SNAP47: variants seen among roughly 807,000 people sequenced by gnomAD.
The protein encoded by SNAP47 is synaptosome associated protein 47.
A neutral mutation model predicts 31.4 loss-of-function variants in SNAP47; 20 were observed. The ratio of observed to expected loss-of-function variants is 0.64; its 90% CI spans 0.45 to 0.93. The LOEUF (loss-of-function observed/expected upper bound fraction) is 0.93, where lower values mean the gene tolerates loss of function less well. SNAP47 is among the 40% of genes least tolerant of loss of function. The pLI is 0.00. For synonymous variants in SNAP47, 194 were observed against 213.4 expected (o/e 0.91, Z 0.79); for missense variants, 492 against 528.5 (o/e 0.93, Z 0.68).
At chr1:227,733,987 C>A, upstream of SNAP47, 1 of 1,613,910 alleles carries the variant, frequency 6.2e-7, no homozygotes, top group Non-Finnish European at 8.5e-7. Flanking sequence ...GCCAGTCGGA[C>A]GAGAAGTACA....
At chr1:227,732,818 G>T, upstream of SNAP47, 1 of 1,603,820 alleles carries the variant, frequency 6.2e-7, no homozygotes, top group Non-Finnish European at 8.5e-7. Context: ...GACCAAGGGA[G>T]TCTGAGCCAT....
At chr1:227,752,057 G>T (rs139417095) in intron 2 of SNAP47, among the ~76,000 whole-genome samples, 1 of 152,080 alleles carries the variant, frequency 6.6e-6, no homozygotes, top group Non-Finnish European at 1.5e-5. Flanking sequence ...GAACCACCGC[G>T]CCCGGCCAAG....
intron 4 of SNAP47, among the ~76,000 whole-genome samples, chr1:227,768,663 T>C (rs1422064124): frequency 2.6e-5 from 4 of 152,212 alleles, no homozygotes; most frequent in African/African-American, 7.2e-5. Context: ...GCCTGGTAGG[T>C]GTAGCCAGCT....
At chr1:227,755,623 A>G (rs1030449524) in intron 2 of SNAP47, among the ~76,000 whole-genome samples, 1 of 152,154 alleles carries the variant, frequency 6.6e-6, no homozygotes, top group African/African-American at 2.4e-5. Context: ...CTGGGCCTCA[A>G]GTAATCCACC....
intron 4 of SNAP47, among the ~76,000 whole-genome samples, chr1:227,768,731 G>T (rs546572556): frequency 1.3e-5 from 2 of 152,296 alleles, no homozygotes; most frequent in East Asian, 3.9e-4. Flanking sequence ...AACATTCTTG[G>T]CCTGGGTCTC....
Position 227,738,970 on chromosome 1 carries a change from C to A in SNAP47, c.-46+3471C>A, listed in dbSNP as rs114940940. Among the ~76,000 whole-genome samples, 674 of 152,236 alleles carry A rather than the reference C, an allele frequency of 4.4e-3. 2 individuals are homozygous for A. Among genetic ancestry groups the A allele is most frequent in the African/African-American group, 0.015 (619 of 41,542 alleles). On this transcript the variant is annotated intron_variant, in intron 1 of 4. Transcript: ENST00000617596. ...TGAGATGGAACTCTGTGGTTTAGTT[C>A]GCTGGTCCGCAGGGTGCCCCCTCGG...
In SNAP47 at chr1:227,776,106, A is replaced by G. The variant is rs1028709026; in HGVS notation, c.1114-4421A>G. On this transcript the variant is annotated intron_variant, in intron 4 of 4. Coordinates refer to ENST00000617596, the MANE Select transcript of SNAP47 (RefSeq NM_053052.4). ...CTCTTGCTGCCTGCCTGAGTCACCC[A>G]GGGCTGCTCCCCTTCCTGGCTCTGA... is the stretch of plus-strand genomic sequence containing the variant. 5 of 1,172,676 alleles carry G rather than the reference A, an allele frequency of 4.3e-6. No individual in the cohort carries two copies. The African/African-American group carries it at 8.0e-5, about 19-fold the overall frequency. 72.6% of individuals were successfully genotyped at this position (1,172,676 alleles called of 1,614,324 possible).
intron 1 of SNAP47, among the ~76,000 whole-genome samples, chr1:227,738,262 G>A (rs1410422280): frequency 2.0e-5 from 3 of 152,028 alleles, no homozygotes; most frequent in South Asian, 2.1e-4. Flanking sequence ...GGCTGGTCTC[G>A]AACTCCTGAC....
At chr1:227,734,590 G>C (rs1242958351), upstream of SNAP47, 1 of 1,555,024 alleles carries the variant, frequency 6.4e-7, no homozygotes, top group Admixed American at 1.7e-5. Context: ...CATCAGAAAG[G>C]CCTCTGGGTT....
At chr1:227,742,010 C>CT (rs1221446895) in intron 1 of SNAP47, among the ~76,000 whole-genome samples, 2 of 150,896 alleles carry the variant, frequency 1.3e-5, no homozygotes, top group African/African-American at 4.9e-5. Context: ...TCTTTTTTTT[C>CT]TTTTTTTTCT....
intron 4 of SNAP47, among the ~76,000 whole-genome samples, chr1:227,771,293 T>C (rs987875528): frequency 6.6e-6 from 1 of 152,208 alleles, no homozygotes; most frequent in Non-Finnish European, 1.5e-5. Flanking sequence ...ATAGAAGCGC[T>C]GAGCTAAGCC....
chr1:227,762,747 C>G lies in SNAP47; in HGVS notation c.988+3262C>G, dbSNP rs1034501830. The stretch of plus-strand genomic sequence containing the variant: ...ACTCGTCCTTGCGTTGAGGAGCACC[C>G]AGGACCGCACAATCACCCTCCTCAC... On this transcript the variant is annotated intron_variant, in intron 3 of 4. Coordinates refer to ENST00000617596, the MANE Select transcript of SNAP47 (RefSeq NM_053052.4). This position sits in a 1 kb window ranked among gnomAD's most constrained non-coding sequence, Gnocchi z 4.2. Among the ~76,000 whole-genome samples, 6 of 152,212 alleles carry G rather than the reference C, an allele frequency of 3.9e-5. No individual in the cohort carries two copies. The highest frequency in any genetic ancestry group is 7.3e-5 in the Non-Finnish European group (5 of 68,034).
chr1:227,738,471 C>T (rs550021157), intron 1 of SNAP47, among the ~76,000 whole-genome samples: 3 of 152,310 alleles, frequency 2.0e-5, no homozygotes, highest in African/African-American at 7.2e-5. Flanking sequence ...CGTTCACGCA[C>T]ATGTATGCAC....
At chr1:227,748,418 G>A (rs1323509326) in intron 2 of SNAP47, among the ~76,000 whole-genome samples, 185 bp downstream of exon 2, 2 of 152,234 alleles carry the variant, frequency 1.3e-5, no homozygotes. Context: ...CTCGGAAAGC[G>A]AGGCTGTGAA....
At chr1:227,768,974 C>T (rs552912438) in intron 4 of SNAP47, among the ~76,000 whole-genome samples, 2 of 152,348 alleles carry the variant, frequency 1.3e-5, no homozygotes, top group South Asian at 4.1e-4. Flanking sequence ...AGGAATTTTA[C>T]CTGTTAATTG....
upstream of SNAP47, chr1:227,732,411 T>A (rs1173373257): frequency 9.3e-6 from 15 of 1,612,620 alleles, no homozygotes; most frequent in Non-Finnish European, 1.3e-5. Flanking sequence ...CGCAGCAGCA[T>A]CAACAGCCTC....
intron 3 of SNAP47, among the ~76,000 whole-genome samples, chr1:227,764,949 C>T (rs1663296916): frequency 2.0e-5 from 3 of 152,138 alleles, no homozygotes; most frequent in South Asian, 4.1e-4. Context: ...GTGCTGCATG[C>T]CTGTGTTCTC....
chr1:227,731,475 G>A (rs533075054), upstream of SNAP47: 6 of 152,298 alleles, frequency 3.9e-5, no homozygotes, highest in Non-Finnish European at 8.8e-5. Flanking sequence ...TCTCGGTCAA[G>A]GACAGGGCTG....
chr1:227,766,362 G>A (rs1245865494), intron 3 of SNAP47, among the ~76,000 whole-genome samples: 1 of 152,230 alleles, frequency 6.6e-6, no homozygotes, highest in Non-Finnish European at 1.5e-5. Flanking sequence ...AAGGGCAGGT[G>A]GCCTCTGCAG....
Sources: allele counts gnomAD v4.1 joint callset (sites outside exome capture counted in the v4.1 genomes callset), GRCh38; gene constraint gnomAD v4.1.1; non-coding constraint Gnocchi (gnomAD v3.1); transcripts MANE v1.5; gene names NCBI Gene and HGNC (gene_info 2026-07-23, HGNC 2026-07-21).